DNAH6: variants seen among roughly 807,000 people sequenced by gnomAD.
DNAH6 encodes dynein axonemal heavy chain 6.
DNAH6 carries 340 observed loss-of-function variants against 491.4 expected under a neutral mutation model. The observed-to-expected ratio is 0.69, with a 90% CI of 0.63 to 0.76. The LOEUF is 0.76. Among genes scored for constraint, DNAH6 ranks in the 30% least tolerant of loss-of-function variants. The pLI is 0.00. For missense variants in DNAH6, 4,443 were observed against 4,972.2 expected, an observed-to-expected ratio of 0.89 and a Z score of 3.20; for synonymous variants, 1,603 against 1,686.1, an observed-to-expected ratio of 0.95 and a Z score of 1.21.
intron 60 of DNAH6, among the ~76,000 whole-genome samples, chr2:84,725,976 A>G (rs746927342): frequency 6.6e-6 from 1 of 152,184 alleles, no homozygotes; most frequent in Admixed American, 6.5e-5. Context: ...ATCAACAAAG[A>G]CTTTCCCAAT....
rs866921409 is a variant in DNAH6, at chr2:84,607,174, T to C, written c.3294+79T>C. 2.3e-5 allele frequency: 31 copies of C among 1,352,678 alleles called. No homozygotes were observed. In the African/African-American group the frequency reaches 3.3e-4, roughly 15 times the overall value. The allele number at this position is 1,352,678 out of a possible 1,614,324, so 83.8% of individuals were successfully genotyped here. On this transcript the variant is annotated intron_variant, in intron 21 of 76. Transcript: ENST00000389394. ...ACCTTAGAAATTATTTGTTTCATTATTTAAATATTATATGGTTTTAAAATG... is the reference window on the plus strand; with the variant it reads ...ACCTTAGAAATTATTTGTTTCATTACTTAAATATTATATGGTTTTAAAATG...
intron 71 of DNAH6, among the ~76,000 whole-genome samples, chr2:84,806,238 C>CT: frequency 6.6e-6 from 1 of 152,310 alleles, no homozygotes; most frequent in Admixed American, 6.5e-5. Context: ...CTCTACTAGA[C>CT]AGTCCTGCTG....
At chr2:84,745,973 A>T (rs932302836) in intron 63 of DNAH6, among the ~76,000 whole-genome samples, 1 of 152,188 alleles carries the variant, frequency 6.6e-6, no homozygotes, top group South Asian at 2.1e-4. Context: ...GAGGTAGTAG[A>T]TTAGAGAGAT....
intron 68 of DNAH6, among the ~76,000 whole-genome samples, chr2:84,790,721 A>T (rs555881635): frequency 1.3e-5 from 2 of 152,240 alleles, no homozygotes; most frequent in Non-Finnish European, 2.9e-5. Context: ...TAATTTTAAA[A>T]GATAATAACA....
At position 84,709,329 on chromosome 2, in the gene DNAH6, T is replaced by A; in HGVS notation, c.9049-14T>A. On this transcript the variant is annotated splice_polypyrimidine_tract_variant and intron_variant, in intron 54 of 76. Coordinates refer to ENST00000389394, the MANE Select transcript of DNAH6 (RefSeq NM_001370.2). ...TTCCTGACTCTACTCAAGTAAGCTT[T>A]CCCCCTTCTACAGCTTATAGAGTGT... 1 of 1,551,458 alleles carries A rather than the reference T, an allele frequency of 6.4e-7. No homozygotes were observed. The highest frequency in any genetic ancestry group is 8.7e-7 in the Non-Finnish European group (1 of 1,146,930).
intron 53 of DNAH6, 139 bp from the exon 54 acceptor site, chr2:84,707,381 G>A: frequency 1.1e-6 from 1 of 879,930 alleles, no homozygotes; most frequent in Non-Finnish European, 1.7e-6. Context: ...TGCTGAATTG[G>A]TGTAAGGTTT....
chr2:84,792,489 A>G (rs537225340), intron 68 of DNAH6, among the ~76,000 whole-genome samples: 148 of 152,298 alleles, frequency 9.7e-4, no homozygotes, highest in Non-Finnish European at 1.8e-3. Flanking sequence ...ACGTATGTCA[A>G]AACTCCCCAG....
intron 18 of DNAH6, among the ~76,000 whole-genome samples, chr2:84,596,654 A>G (rs1479843358): frequency 8.9e-6 from 1 of 112,632 alleles, no homozygotes; most frequent in Non-Finnish European, 1.9e-5. Context: ...TTTTTTAAAG[A>G]TGAAATAAAG....
chr2:84,558,938 T>G (rs190695909), intron 11 of DNAH6, among the ~76,000 whole-genome samples: 20 of 152,330 alleles, frequency 1.3e-4, no homozygotes, highest in Non-Finnish European at 2.9e-5. Flanking sequence ...ACTGTAATTT[T>G]CAAACCTAAA....
intron 51 of DNAH6, 126 bp from the exon 52 acceptor site, chr2:84,705,360 T>G: frequency 9.9e-7 from 1 of 1,005,518 alleles, no homozygotes; most frequent in Non-Finnish European, 1.4e-6. Context: ...ATTACTAAAA[T>G]TATAGTACCA....
chr2:84,725,142 A>T (rs941445919), intron 60 of DNAH6, among the ~76,000 whole-genome samples: 2 of 152,202 alleles, frequency 1.3e-5, no homozygotes, highest in African/African-American at 4.8e-5. Flanking sequence ...CGAGTGTTTC[A>T]TGAATGAAGA....
At chr2:84,592,558 A>G (rs1187702943) in intron 16 of DNAH6, among the ~76,000 whole-genome samples, 2 of 152,176 alleles carry the variant, frequency 1.3e-5, no homozygotes, top group Non-Finnish European at 2.9e-5. Context: ...TAAAAAACAA[A>G]TGACCCAATG....
At chr2:84,618,838 A>T (rs772595946) in intron 23 of DNAH6, among the ~76,000 whole-genome samples, 1 of 152,138 alleles carries the variant, frequency 6.6e-6, no homozygotes, top group African/African-American at 2.4e-5. Flanking sequence ...AAAAGGTCAC[A>T]TAGTAGATAC....
At chr2:84,484,074 A>G in the DNAH6 span, among the ~76,000 whole-genome samples, 6 of 152,158 alleles carry the variant, frequency 3.9e-5, no homozygotes, top group South Asian at 1.2e-3. Flanking sequence ...GGGGTAGGGT[A>G]TAACTACTCT....
Position 84,669,275 on chromosome 2 carries a change from A to C in DNAH6, c.6085-14A>C. ...TATTCCCTATTGAAAGTGGTGTTTA[A>C]TTTTGTACTTTAGCTTCCCAATTCT... On this transcript the variant is annotated splice_polypyrimidine_tract_variant and intron_variant, in intron 37 of 76. Transcript: ENST00000389394. 2.6e-6 allele frequency: 4 copies of C among 1,544,150 alleles called. No homozygotes were observed. The highest frequency in any genetic ancestry group is 3.5e-6 in the Non-Finnish European group (4 of 1,140,198).
chr2:84,620,032 C>A, intron 24 of DNAH6, 128 bp downstream of exon 24: 1 of 823,652 alleles, frequency 1.2e-6, no homozygotes, highest in Non-Finnish European at 1.9e-6. Context: ...AAAATTCTTG[C>A]CCTCAAAGAG....
intron 37 of DNAH6, among the ~76,000 whole-genome samples, chr2:84,659,613 AAT>A (rs1413729137): frequency 2.0e-5 from 3 of 152,182 alleles, no homozygotes; most frequent in Non-Finnish European, 4.4e-5. Context: ...GAAAAATTAG[AAT>A]GCACTCTGTT....
chr2:84,460,618 C>T, the DNAH6 span, among the ~76,000 whole-genome samples: 3 of 152,096 alleles, frequency 2.0e-5, no homozygotes, highest in African/African-American at 7.2e-5. Context: ...ATCCCCAGCA[C>T]CTAGAACAAT....
At chr2:84,548,262 G>A in intron 7 of DNAH6, 26 bp from the exon 8 acceptor site, 1 of 1,592,254 alleles carries the variant, frequency 6.3e-7, no homozygotes. Context: ...AAGTACACTT[G>A]TTGTTGTTCC....
Sources: gnomAD v4.1 joint callset for allele counts (sites outside exome capture counted in the v4.1 genomes callset) on GRCh38, gnomAD v4.1.1 for gene constraint, MANE v1.5 for transcripts, NCBI Gene and HGNC (gene_info 2026-07-23, HGNC 2026-07-21) for gene names.